Variants in RSPO2 observed in about 807,000 individuals in gnomAD.
RSPO2 encodes the protein R-spondin 2, also known as R-spondin-2.
Under a neutral mutation model 30.9 loss-of-function variants are expected in RSPO2, and 14 were observed. The observed-to-expected ratio is 0.45, with a 90% CI of 0.30 to 0.71. RSPO2 has a LOEUF of 0.71. Among genes scored for constraint, RSPO2 ranks in the 30% least tolerant of loss-of-function variants. RSPO2 has a pLI of 0.08. For synonymous variants in RSPO2, 107 were observed against 96.4 expected (o/e 1.11, Z -0.64); for missense variants, 264 against 301.9 (o/e 0.87, Z 0.93).
intron 3 of RSPO2, among the ~76,000 whole-genome samples, chr8:107,987,276 C>T (rs1221522807): frequency 6.6e-6 from 1 of 152,162 alleles, no homozygotes; most frequent in East Asian, 1.9e-4. Context: ...AATAGCCTTC[C>T]TTTACTTTTT....
intron 5 of RSPO2, among the ~76,000 whole-genome samples, chr8:107,940,735 C>G (rs1007789427): frequency 3.9e-5 from 6 of 152,004 alleles, no homozygotes; most frequent in African/African-American, 1.4e-4. Flanking sequence ...CTTCCAAGCA[C>G]AATTTTGAAA....
chr8:107,901,232 CT>C (rs754834767), intron 5 of RSPO2, 42 bp from the exon 6 acceptor site: 1 of 1,567,216 alleles, frequency 6.4e-7, no homozygotes, highest in Admixed American at 2.0e-5. Flanking sequence ...AGAAATGGCT[CT>C]TTCTCTAGGA....
At chr8:108,041,836 A>T (rs1226379343) in intron 2 of RSPO2, among the ~76,000 whole-genome samples, 1 of 152,070 alleles carries the variant, frequency 6.6e-6, no homozygotes, top group Non-Finnish European at 1.5e-5. Flanking sequence ...AAACCTCCCT[A>T]GGCAGCAGGG....
intron 2 of RSPO2, among the ~76,000 whole-genome samples, chr8:108,031,545 G>A (rs573668159): frequency 6.6e-6 from 1 of 152,034 alleles, no homozygotes; most frequent in Non-Finnish European, 1.5e-5. Flanking sequence ...TAAGATAAAC[G>A]TAAGCATCAA....
intron 5 of RSPO2, among the ~76,000 whole-genome samples, chr8:107,907,482 T>G (rs1036992663): frequency 1.3e-5 from 2 of 152,102 alleles, no homozygotes; most frequent in Admixed American, 1.3e-4. Context: ...AGAGTTTACT[T>G]GAATGTCAAG....
At position 107,951,915 on chromosome 8, in the gene RSPO2, G is replaced by C. The variant is rs546520955; in HGVS notation, c.616+6165C>G. On this transcript the variant is annotated intron_variant, in intron 5 of 5. Transcript: ENST00000276659. The stretch of plus-strand genomic sequence containing the variant: ...AATCTAATTTGGAGACCCCTTTTCT[G>C]CCCCCCTCATTTCCTCAGACCCTTA... 3.9e-5 allele frequency among the ~76,000 whole-genome samples: 6 copies of C among 152,054 alleles called. No homozygotes were observed. In the South Asian group the frequency reaches 1.2e-3, roughly 32 times the overall value.
At chr8:108,043,775 G>C (rs1008014827) in intron 2 of RSPO2, among the ~76,000 whole-genome samples, 2 of 152,056 alleles carry the variant, frequency 1.3e-5, no homozygotes, top group Admixed American at 6.6e-5. Context: ...GGCTGGTTCT[G>C]GCTGTCCGAG....
At chr8:107,996,259 C>A (rs922785981) in intron 2 of RSPO2, among the ~76,000 whole-genome samples, 2 of 152,022 alleles carry the variant, frequency 1.3e-5, no homozygotes, top group Non-Finnish European at 2.9e-5. Context: ...AGATTGTAAC[C>A]CACCTTAAGC....
intron 2 of RSPO2, among the ~76,000 whole-genome samples, chr8:108,059,799 C>T (rs1314765686): frequency 7.3e-6 from 1 of 137,644 alleles, no homozygotes; most frequent in Non-Finnish European, 1.5e-5. Flanking sequence ...GGGAATTGAA[C>T]AATGAGAACA....
At chr8:107,946,991 C>T (rs1032018651) in intron 5 of RSPO2, among the ~76,000 whole-genome samples, 4 of 152,142 alleles carry the variant, frequency 2.6e-5, no homozygotes, top group African/African-American at 7.2e-5. Context: ...TAAGCAGAAC[C>T]GGTCAAGGGA....
chr8:108,054,585 G>T (rs1394336240), intron 2 of RSPO2, among the ~76,000 whole-genome samples: 1 of 152,190 alleles, frequency 6.6e-6, no homozygotes, highest in African/African-American at 2.4e-5. Flanking sequence ...AAAAGAAAAG[G>T]ATTTTGATAG....
chr8:107,984,017 C>G (rs548938222), intron 3 of RSPO2: 1 of 639,740 alleles, frequency 1.6e-6, no homozygotes, highest in Admixed American at 2.9e-5. Context: ...ATACAGTAAT[C>G]GTTAATCCAG....
Position 107,956,185 on chromosome 8 carries a change from A to T in RSPO2, c.616+1895T>A, listed in dbSNP as rs188731840. On this transcript the variant is annotated intron_variant, in intron 5 of 5. Transcript: ENST00000276659. Reference sequence around the variant, plus strand: ...TAACCTTATTACAGAATAATTTGCCATTTCTCTCAACAATTATATTTAGTT... The same window carrying T: ...TAACCTTATTACAGAATAATTTGCCTTTTCTCTCAACAATTATATTTAGTT... Among the ~76,000 whole-genome samples the T allele has an allele frequency of 2.0e-5, 3 of 152,344 alleles. No homozygotes were observed. In the East Asian group the frequency reaches 5.8e-4, roughly 29 times the overall value.
intron 2 of RSPO2, among the ~76,000 whole-genome samples, chr8:108,015,478 G>A (rs2443783): frequency 0.66 from 99,646 of 151,978 alleles, 35,338 homozygotes; most frequent in African/African-American, 0.91. Context: ...AACAGTAGTC[G>A]GGTTCCTCTG....
intron 5 of RSPO2, among the ~76,000 whole-genome samples, chr8:107,934,477 G>A (rs1187486382): frequency 2.0e-5 from 3 of 151,110 alleles, no homozygotes; most frequent in Admixed American, 1.3e-4. Context: ...GGTTCAAGCC[G>A]TTCTCCTGCC....
intron 2 of RSPO2, among the ~76,000 whole-genome samples, chr8:108,018,722 GAAGT>G (rs1214256388): frequency 2.0e-5 from 3 of 152,154 alleles, no homozygotes; most frequent in Non-Finnish European, 2.9e-5. Flanking sequence ...ATGCACAGTG[GAAGT>G]AAGCTAAATA....
intron 2 of RSPO2, among the ~76,000 whole-genome samples, chr8:108,061,036 A>G (rs939647213): frequency 6.6e-6 from 1 of 151,858 alleles, no homozygotes. Flanking sequence ...TGAAGGAAGC[A>G]CTAAACATGG....
At chr8:108,024,055 T>A (rs149609599) in intron 2 of RSPO2, among the ~76,000 whole-genome samples, 11 of 152,264 alleles carry the variant, frequency 7.2e-5, no homozygotes, top group Admixed American at 2.6e-4. Flanking sequence ...ATACGGTGTG[T>A]CCCTGTATTT....
At chr8:107,946,568 C>T (rs1494905) in intron 5 of RSPO2, among the ~76,000 whole-genome samples, 177 of 151,334 alleles carry the variant, frequency 1.2e-3, no homozygotes, top group African/African-American at 4.1e-3. Context: ...CAAGGTAGGC[C>T]GAAATTAAAG....
Sources: gnomAD v4.1 joint callset for allele counts (sites outside exome capture counted in the v4.1 genomes callset) on GRCh38, gnomAD v4.1.1 for gene constraint, MANE v1.5 for transcripts, NCBI Gene and HGNC (gene_info 2026-07-23, HGNC 2026-07-21) for gene names.